Variants in TRIM5 observed in about 807,000 individuals in gnomAD.
TRIM5 encodes tripartite motif-containing protein 5.
A neutral mutation model predicts 35.6 loss-of-function variants in TRIM5; 31 were observed. The observed-to-expected ratio is 0.87, with a 90% CI of 0.65 to 1.18. TRIM5 has a LOEUF of 1.18. Among genes scored for constraint, TRIM5 ranks in the 50% most tolerant of loss-of-function variants. TRIM5 has a pLI of 0.00. For synonymous variants in TRIM5, 243 were observed against 215.6 expected, an observed-to-expected ratio of 1.13 and a Z score of -1.11; for missense variants, 609 against 591.6, an observed-to-expected ratio of 1.03 and a Z score of -0.31.
the TRIM5 span, among the ~76,000 whole-genome samples, chr11:5,607,023 G>A: frequency 6.6e-6 from 1 of 152,084 alleles, no homozygotes. Context: ...CTAACACGGT[G>A]AAACCCCGTC....
chr11:5,596,710 C>T, the TRIM5 span: 1 of 837,658 alleles, frequency 1.2e-6, no homozygotes, highest in Non-Finnish European at 1.9e-6. Flanking sequence ...CAAAGGCTGG[C>T]GGAGGAGGGA....
chr11:5,639,536 C>A, the TRIM5 span, among the ~76,000 whole-genome samples: 2 of 151,626 alleles, frequency 1.3e-5, no homozygotes, highest in African/African-American at 4.8e-5. Flanking sequence ...AAAAATTAGC[C>A]GGGCATGGTG....
At chr11:5,677,019 G>A (rs1470357157) in intron 4 of TRIM5, among the ~76,000 whole-genome samples, 1 of 152,140 alleles carries the variant, frequency 6.6e-6, no homozygotes, top group Non-Finnish European at 1.5e-5. Flanking sequence ...AACCTAGGCA[G>A]TACCATTCAG....
At chr11:5,643,660 A>G in the TRIM5 span, 4 of 1,613,488 alleles carry the variant, frequency 2.5e-6, no homozygotes, top group Middle Eastern at 1.6e-4. Flanking sequence ...CCATATTTCA[A>G]TCCTTGGAAC....
the TRIM5 span, chr11:5,643,125 A>ATATATATT: frequency 9.2e-4 from 900 of 973,772 alleles, 2 homozygotes; most frequent in African/African-American, 1.3e-3. Flanking sequence ...ATATATATAT[A>ATATATATT]TTTTTTTTTT....
the TRIM5 span, among the ~76,000 whole-genome samples, chr11:5,638,074 C>T: frequency 6.6e-6 from 1 of 152,164 alleles, no homozygotes. Context: ...TGTAAATCAG[C>T]GTATCCAATC....
intron 5 of TRIM5, chr11:5,666,332 G>T (rs10769167): frequency 1.6e-5 from 8 of 506,962 alleles, no homozygotes; most frequent in African/African-American, 3.9e-5. Context: ...CTTCTAAAAT[G>T]AAATAATTAA....
chr11:5,665,165 A>T lies in TRIM5; in HGVS notation c.1126T>A (p.Cys376Ser). ...SKKTAWILGV[C>S]AGFQPDAMCN... ...ATTGCATCAGGTTGGAAGCCAGCAC[A>T]TACCCCCAGGATCCAAGCAGTTTTC... is the stretch of plus-strand genomic sequence containing the variant. Residue 376 changes from cysteine to serine, a missense_variant, in exon 8 of 8, where the codon TGT (cysteine) becomes AGT (serine). Transcript: ENST00000380034. 2 of 1,614,112 alleles carry T rather than the reference A, an allele frequency of 1.2e-6. No individual in the cohort carries two copies. The highest frequency in any genetic ancestry group is 2.2e-5 in the South Asian group (2 of 91,078).
Position 5,665,115 on chromosome 11 carries a change from A to G in TRIM5, c.1176T>C (p.Asn392=). The G allele has an allele frequency of 6.2e-7, 1 of 1,614,006 alleles. No individual in the cohort carries two copies. The highest frequency in any genetic ancestry group is 8.5e-7 in the Non-Finnish European group (1 of 1,180,010). The change falls in exon 8 of 8, where the codon AAT becomes AAC. Residue 392 remains asparagine (N), a synonymous_variant. Coordinates refer to ENST00000380034, the MANE Select transcript of TRIM5 (RefSeq NM_033034.3). ...DAMCNIEKNE[N]YQPKYGYWVI... ...CCCAGTAGCCGTATTTAGGTTGATAATTTTCATTTTTTTCAATATTACACA... is the reference window on the plus strand; with the variant it reads ...CCCAGTAGCCGTATTTAGGTTGATAGTTTTCATTTTTTTCAATATTACACA...
At chr11:5,601,865 G>C in the TRIM5 span, among the ~76,000 whole-genome samples, 101 of 152,234 alleles carry the variant, frequency 6.6e-4, 1 homozygote, top group East Asian at 0.018. Flanking sequence ...GAGCAGGGCC[G>C]TTAAGAAGTG....
intron 5 of TRIM5, 88 bp downstream of exon 5, chr11:5,667,601 T>A (rs1851241373): frequency 9.1e-6 from 13 of 1,435,704 alleles, no homozygotes; most frequent in Non-Finnish European, 1.2e-5. Context: ...TGGGAGATGT[T>A]TTATTCTAAT....
the TRIM5 span, among the ~76,000 whole-genome samples, chr11:5,592,642 C>T: frequency 2.0e-5 from 3 of 151,892 alleles, no homozygotes; most frequent in African/African-American, 7.3e-5. Context: ...TGGGGCCAGG[C>T]GTGGTGGCTC....
chr11:5,615,713 C>T, the TRIM5 span, among the ~76,000 whole-genome samples: 1 of 151,776 alleles, frequency 6.6e-6, no homozygotes, highest in East Asian at 1.9e-4. Flanking sequence ...CCTGCCTCAG[C>T]CTCCCGAGTA....
chr11:5,645,880 A>AAATATATATATATAT, the TRIM5 span: 2 of 136,796 alleles, frequency 1.5e-5, no homozygotes, highest in African/African-American at 6.5e-5. Flanking sequence ...AAAAAAAAAA[A>AAATATATATATATAT]ATATATATAT....
At chr11:5,598,727 CAA>C in the TRIM5 span, among the ~76,000 whole-genome samples, 6 of 152,204 alleles carry the variant, frequency 3.9e-5, no homozygotes, top group Non-Finnish European at 7.3e-5. Flanking sequence ...ACATGTTTGA[CAA>C]CACAGTTCCA....
At chr11:5,608,340 T>A in the TRIM5 span, 2 of 1,612,962 alleles carry the variant, frequency 1.2e-6, no homozygotes, top group South Asian at 2.2e-5. Flanking sequence ...GACCTGTTAC[T>A]CCTTGACTTA....
chr11:5,664,778 T>A lies in TRIM5; in HGVS notation c.*31A>T. ...TGAGATGCACCTGGACAAGAGGTGC[T>A]GTACAGAAGGGGCTGAGTGTGTAAG... is the stretch of plus-strand genomic sequence containing the variant. On this transcript the variant is annotated 3_prime_UTR_variant, in exon 8 of 8. Coordinates refer to ENST00000380034, the MANE Select transcript of TRIM5 (RefSeq NM_033034.3). The A allele has an allele frequency of 1.3e-6, 2 of 1,542,228 alleles. No homozygotes were observed. The highest frequency in any genetic ancestry group is 1.3e-5 in the South Asian group (1 of 76,858).
chr11:5,652,494 C>T, the TRIM5 span, among the ~76,000 whole-genome samples: 1 of 152,026 alleles, frequency 6.6e-6, no homozygotes, highest in Non-Finnish European at 1.5e-5. Flanking sequence ...GCATTATTTC[C>T]GGGCTCTGTG....
intron 4 of TRIM5, among the ~76,000 whole-genome samples, chr11:5,671,812 T>C (rs533036329): frequency 1.8e-5 from 1 of 54,166 alleles, no homozygotes; most frequent in East Asian, 5.9e-4. Flanking sequence ...AAAAAAATAA[T>C]TGGGGAAAAA....
Sources: gnomAD v4.1 joint callset for allele counts (sites outside exome capture counted in the v4.1 genomes callset) on GRCh38, gnomAD v4.1.1 for gene constraint, MANE v1.5 for transcripts, NCBI Gene and HGNC (gene_info 2026-07-23, HGNC 2026-07-21) for gene names.